RCAN2: variants seen among roughly 807,000 people sequenced by gnomAD.
The protein encoded by RCAN2 is regulator of calcineurin 2, also known as calcipressin-2.
A neutral mutation model predicts 23.6 loss-of-function variants in RCAN2; 9 were observed. The ratio of observed to expected loss-of-function variants is 0.38; its 90% confidence interval spans 0.23 to 0.67. The LOEUF (loss-of-function observed/expected upper bound fraction) is 0.67, where lower values mean the gene tolerates loss of function less well. Among genes scored for constraint, RCAN2 ranks in the 30% least tolerant of loss-of-function variants. The probability of loss-of-function intolerance (pLI) is 0.51; values close to 1 mark genes in which losing one functional copy is unlikely to be tolerated. For missense variants in RCAN2, 273 were observed against 302.3 expected, an observed-to-expected ratio of 0.90 and a Z score of 0.72; for synonymous variants, 109 against 115.7, an observed-to-expected ratio of 0.94 and a Z score of 0.37.
chr6:46,294,580 C>T lies in RCAN2; in HGVS notation c.226-45684G>A, dbSNP rs59317167. 5.0e-3 allele frequency among the ~76,000 whole-genome samples: 758 copies of T among 152,196 alleles called. 2 individuals carry two copies. The highest frequency in any genetic ancestry group is 0.017 in the African/African-American group (712 of 41,526). On this transcript the variant is annotated intron_variant, in intron 2 of 4. Transcript: ENST00000371374. The stretch of plus-strand genomic sequence containing the variant: ...TGGTTAAATTATGGTTCATCCATTT[C>T]ATTTTCTAGACTATAGTGTGGTCAT...
intron 2 of RCAN2, among the ~76,000 whole-genome samples, chr6:46,263,515 GTGTGTATGTGTGTGTGTGTGTGTA>G (rs1561834002): frequency 1.0e-4 from 7 of 68,448 alleles, no homozygotes; most frequent in Non-Finnish European, 1.9e-4. Flanking sequence ...GTGTGTGTAT[GTGTGTATGTGTGTGTGTGTGTGTA>G]TGTGTGTGTG....
intron 1 of RCAN2, among the ~76,000 whole-genome samples, chr6:46,484,730 A>T (rs1316499677): frequency 6.6e-6 from 1 of 152,222 alleles, no homozygotes; most frequent in Non-Finnish European, 1.5e-5. Flanking sequence ...ACATCAGGAG[A>T]GAAGCCATCC....
rs116612481 is a variant in RCAN2, at chr6:46,232,578, G to A, written c.572-9277C>T. 6.7e-3 allele frequency among the ~76,000 whole-genome samples: 1,019 copies of A among 152,098 alleles called. 15 individuals carry two copies. The highest frequency in any genetic ancestry group is 0.024 in the African/African-American group (986 of 41,486). Reference sequence around the variant, plus strand: ...AGGCTGAGGTGGGCAGGTCACTTGAGGTTGGAAGTTCAAGACCAGCCTGGT... The same window carrying A: ...AGGCTGAGGTGGGCAGGTCACTTGAAGTTGGAAGTTCAAGACCAGCCTGGT... On this transcript the variant is annotated intron_variant, in intron 4 of 4. Coordinates refer to ENST00000371374, the MANE Select transcript of RCAN2 (RefSeq NM_001251974.2).
intron 2 of RCAN2, among the ~76,000 whole-genome samples, chr6:46,376,123 C>T (rs976490795): frequency 2.6e-5 from 4 of 152,190 alleles, no homozygotes; most frequent in African/African-American, 9.7e-5. Flanking sequence ...ACAAGGTACA[C>T]AACGCAGTCA....
At chr6:46,266,235 T>C (rs553405545) in intron 2 of RCAN2, among the ~76,000 whole-genome samples, 6 of 152,326 alleles carry the variant, frequency 3.9e-5, no homozygotes, top group African/African-American at 9.6e-5. Flanking sequence ...ATTTATACAA[T>C]TGTGCTACTG....
intron 2 of RCAN2, among the ~76,000 whole-genome samples, chr6:46,254,748 T>C (rs1274478305): frequency 6.6e-6 from 1 of 151,840 alleles, no homozygotes; most frequent in Admixed American, 6.6e-5. Flanking sequence ...TGTTTGGAAA[T>C]AGGGTCATCA....
At chr6:46,260,680 C>T (rs1174737960) in intron 2 of RCAN2, among the ~76,000 whole-genome samples, 1 of 152,146 alleles carries the variant, frequency 6.6e-6, no homozygotes, top group South Asian at 2.1e-4. Context: ...GGGGCACTCA[C>T]CAGAGGCTAT....
chr6:46,390,795 G>T (rs1212785901), intron 2 of RCAN2, among the ~76,000 whole-genome samples: 1 of 152,160 alleles, frequency 6.6e-6, no homozygotes, highest in Non-Finnish European at 1.5e-5. Context: ...AGCCATTTTT[G>T]AAGTATATCG....
intron 2 of RCAN2, among the ~76,000 whole-genome samples, chr6:46,381,901 T>C (rs1765624101): frequency 6.6e-6 from 1 of 152,200 alleles, no homozygotes; most frequent in African/African-American, 2.4e-5. Flanking sequence ...CCAGAGTCCA[T>C]GGCTTATATT....
chr6:46,413,613 T>A (rs1766613145), intron 2 of RCAN2, among the ~76,000 whole-genome samples: 1 of 152,222 alleles, frequency 6.6e-6, no homozygotes, highest in Admixed American at 6.5e-5. Context: ...CTTAGAAATA[T>A]AAGATTTACT....
intron 2 of RCAN2, among the ~76,000 whole-genome samples, chr6:46,285,864 T>C (rs1177157182): frequency 6.6e-6 from 1 of 152,200 alleles, no homozygotes; most frequent in Admixed American, 6.5e-5. Flanking sequence ...TTAGACAGAC[T>C]GGACTTCTGG....
Position 46,399,772 on chromosome 6 carries a change from A to G in RCAN2, c.225+56980T>C, listed in dbSNP as rs555524172. The stretch of plus-strand genomic sequence containing the variant: ...CTTCTCTTTCACCTTGTCTCAGGAC[A>G]CTACACTTGTCATTGGATTTAGGGA... On this transcript the variant is annotated intron_variant, in intron 2 of 4. Coordinates refer to ENST00000371374, the MANE Select transcript of RCAN2 (RefSeq NM_001251974.2). Among the ~76,000 whole-genome samples the G allele has an allele frequency of 4.6e-5, 7 of 152,088 alleles. No homozygotes were observed. In the East Asian group the frequency reaches 9.7e-4, roughly 21 times the overall value.
rs1035648782 is a variant in RCAN2 at position 46,222,879 on chromosome 6, A to G, written c.*262T>C. On this transcript the variant is annotated 3_prime_UTR_variant, in exon 5 of 5. Transcript: ENST00000371374. ...TGGATCAACATGAGAGAACAAAGAT[A>G]TAGGCTGTGCTGATTGTTTAATAAG... 9.6e-6 allele frequency: 4 copies of G among 415,866 alleles called. No individual in the cohort carries two copies. The East Asian group carries it at 2.0e-4, about 20-fold the overall frequency. The allele number at this position is 415,866 out of a possible 1,614,324, so 25.8% of individuals were successfully genotyped here. A position where few individuals can be genotyped will look rare whatever the true frequency, so the allele number is the denominator to read the frequency against.
Position 46,222,864 on chromosome 6 carries a change from T to C in RCAN2, c.*277A>G. ...CTGATGTCTCTGGCTTGGATCAACA[T>C]GAGAGAACAAAGATATAGGCTGTGC... On this transcript the variant is annotated 3_prime_UTR_variant, in exon 5 of 5. Transcript: ENST00000371374. 1 of 353,564 alleles carries C rather than the reference T, an allele frequency of 2.8e-6. No homozygotes were observed. The highest frequency in any genetic ancestry group is 5.2e-6 in the Non-Finnish European group (1 of 191,806). The allele number at this position is 353,564 out of a possible 1,614,324, so 21.9% of individuals were successfully genotyped here. A position where few individuals can be genotyped will look rare whatever the true frequency, so the allele number is the denominator to read the frequency against.
intron 2 of RCAN2, among the ~76,000 whole-genome samples, chr6:46,263,293 A>T (rs1170836132): frequency 6.6e-6 from 1 of 152,216 alleles, no homozygotes; most frequent in Non-Finnish European, 1.5e-5. Flanking sequence ...TAATGTAATG[A>T]AACAGGGATG....
Position 46,223,156 on chromosome 6 carries a change from G to C in RCAN2, c.717C>G (p.Pro239=), listed in dbSNP as rs780282088. 9.9e-6 allele frequency: 16 copies of C among 1,613,326 alleles called. No homozygotes were observed. The highest frequency in any genetic ancestry group is 1.3e-5 in the African/African-American group (1 of 74,886). The change falls in exon 5 of 5, where the codon CCC becomes CCG. Residue 239 remains proline (P), a synonymous_variant. Coordinates refer to ENST00000371374, the MANE Select transcript of RCAN2 (RefSeq NM_001251974.2). ...AGCAGGCAGCTCAGTTGGACACGGA[G>C]GGTGGCAGGCCAGGACGCCGAGTTT... ...IIQTRRPGLP[P]SVSN
chr6:46,278,436 G>C (rs1767786137), intron 2 of RCAN2, among the ~76,000 whole-genome samples: 3 of 151,830 alleles, frequency 2.0e-5, no homozygotes, highest in African/African-American at 4.8e-5. Flanking sequence ...TGAATCATTT[G>C]AGAAAAGTTT....
At chr6:46,270,324 G>T (rs754991430) in intron 2 of RCAN2, among the ~76,000 whole-genome samples, 3 of 152,140 alleles carry the variant, frequency 2.0e-5, no homozygotes, top group African/African-American at 7.2e-5. Context: ...ATGGGCCTCC[G>T]CACCATCTGG....
chr6:46,238,465 T>C (rs1279603600), intron 4 of RCAN2, among the ~76,000 whole-genome samples: 1 of 152,224 alleles, frequency 6.6e-6, no homozygotes, highest in Non-Finnish European at 1.5e-5. Flanking sequence ...ATGCTAAATG[T>C]ACTGCAATGT....
Sources: gnomAD v4.1 joint callset for allele counts (sites outside exome capture counted in the v4.1 genomes callset) on GRCh38, gnomAD v4.1.1 for gene constraint, MANE v1.5 for transcripts, NCBI Gene and HGNC (gene_info 2026-07-23, HGNC 2026-07-21) for gene names.